Variants in FAM169A observed in about 807,000 individuals in gnomAD.
FAM169A encodes the protein family with sequence similarity 169 member A, also known as soluble lamin-associated protein of 75 kDa.
FAM169A carries 24 observed loss-of-function variants against 75.7 expected under a neutral mutation model. That is an observed-to-expected ratio of 0.32 (90% CI 0.23 to 0.45). The LOEUF is 0.45. Ranked by LOEUF, FAM169A falls within the 20% of genes least tolerant of loss-of-function variation. The probability of loss-of-function intolerance (pLI) is 1.00; values close to 1 mark genes in which losing one functional copy is unlikely to be tolerated. For missense variants in FAM169A, 673 were observed against 784.0 expected, an observed-to-expected ratio of 0.86 and a Z score of 1.69; for synonymous variants, 271 against 271.0, an observed-to-expected ratio of 1.00 and a Z score of 0.00.
chr5:74,790,996 C>T (rs1319204703), intron 11 of FAM169A, among the ~76,000 whole-genome samples: 1 of 152,174 alleles, frequency 6.6e-6, no homozygotes, highest in African/African-American at 2.4e-5. Flanking sequence ...CGTGGACTCG[C>T]GGAAGGCCTT....
intron 11 of FAM169A, among the ~76,000 whole-genome samples, chr5:74,794,778 CAAAAAAAAAA>C (rs980861741): frequency 7.6e-5 from 5 of 65,764 alleles, no homozygotes; most frequent in African/African-American, 2.5e-4. Flanking sequence ...AACTCCGTCT[CAAAAAAAAAA>C]AAAAAAACAA....
At chr5:74,805,373 T>G in intron 6 of FAM169A, 89 bp from the exon 7 acceptor site, 1 of 1,229,148 alleles carries the variant, frequency 8.1e-7, no homozygotes, top group Non-Finnish European at 1.1e-6. Flanking sequence ...CCAACTCACT[T>G]AACGGGGCTA....
chr5:74,780,252 A>G lies in FAM169A; in HGVS notation c.*1208T>C, dbSNP rs1561282264. ...CCTCCAATATGATTGAAGCCCTTGT[A>G]ACCACAGCTCCCCCAAAGGCAGTTT... On this transcript the variant is annotated 3_prime_UTR_variant, in exon 13 of 13. Transcript: ENST00000687041. 1 of 152,312 alleles carries G rather than the reference A, an allele frequency of 6.6e-6. No individual in the cohort carries two copies. The highest frequency in any genetic ancestry group is 1.5e-5 in the Non-Finnish European group (1 of 68,122). The allele number at this position is 152,312 out of a possible 1,614,324, so 9.4% of individuals were successfully genotyped here.
At chr5:74,824,539 A>T (rs1215009359) in intron 5 of FAM169A, among the ~76,000 whole-genome samples, 2 of 152,078 alleles carry the variant, frequency 1.3e-5, no homozygotes, top group Non-Finnish European at 2.9e-5. Context: ...AAGTTCAGCT[A>T]GTTTTGTGGT....
chr5:74,793,313 G>C (rs1346943225), intron 11 of FAM169A, among the ~76,000 whole-genome samples: 1 of 133,948 alleles, frequency 7.5e-6, no homozygotes, highest in East Asian at 2.2e-4. Flanking sequence ...GACAGACCAA[G>C]AGTCCATTTC....
intron 1 of FAM169A, among the ~76,000 whole-genome samples, chr5:74,844,661 T>A (rs2112687917): frequency 6.6e-6 from 1 of 151,114 alleles, no homozygotes. Context: ...CTACTAAAAG[T>A]ACAAAAAATT....
In FAM169A at chr5:74,780,091, T is replaced by A. The variant is rs1580064031; in HGVS notation, c.*1369A>T. ...TTCTAATAACCATTTTGTCCATTTT[T>A]AAATAAATTACAAAAAATAACAGTT... is the stretch of plus-strand genomic sequence containing the variant. On this transcript the variant is annotated 3_prime_UTR_variant, in exon 13 of 13. Transcript: ENST00000687041. The A allele has an allele frequency of 6.6e-6, 1 of 152,352 alleles. No individual in the cohort carries two copies. The highest frequency in any genetic ancestry group is 1.9e-4 in the East Asian group (1 of 5,192). 9.4% of individuals were successfully genotyped at this position (152,352 alleles called of 1,614,324 possible). A position where few individuals can be genotyped will look rare whatever the true frequency, so the allele number is the denominator to read the frequency against.
chr5:74,865,551 C>A (rs1267934800), intron 1 of FAM169A: 1 of 152,404 alleles, frequency 6.6e-6, no homozygotes, highest in Non-Finnish European at 1.5e-5. Context: ...CCTCCTGAGG[C>A]ACAGGCCTCT....
At chr5:74,833,456 A>G (rs148305849) in intron 5 of FAM169A, among the ~76,000 whole-genome samples, 3 of 152,252 alleles carry the variant, frequency 2.0e-5, no homozygotes, top group African/African-American at 7.2e-5. Context: ...CTAAAGAAAA[A>G]CCATTTTAAA....
At chr5:74,832,339 G>C (rs1268335994) in intron 5 of FAM169A, among the ~76,000 whole-genome samples, 1 of 150,522 alleles carries the variant, frequency 6.6e-6, no homozygotes, top group East Asian at 1.9e-4. Context: ...TCTATTTCAG[G>C]CAAAGAAGAA....
intron 11 of FAM169A, among the ~76,000 whole-genome samples, chr5:74,795,139 T>G (rs1264526744): frequency 2.0e-5 from 3 of 151,842 alleles, no homozygotes; most frequent in Admixed American, 2.0e-4. Context: ...GAACCTGTAA[T>G]CCCAGCTACT....
At chr5:74,814,046 T>C in intron 5 of FAM169A, 27 bp from the exon 6 acceptor site, 1 of 1,449,626 alleles carries the variant, frequency 6.9e-7, no homozygotes, top group Non-Finnish European at 9.1e-7. Flanking sequence ...AGAAACCCAA[T>C]AATTTCTCAC....
rs1264937413 is a variant in FAM169A at position 74,852,580 on chromosome 5, T to C, written c.-3-10901A>G. ...ATGCTGCTAGATAAAAAGTAACAGA[T>C]GTCCTTTCAAGAGGCAGATAGTGGG... On this transcript the variant is annotated intron_variant, in intron 1 of 12. Transcript: ENST00000687041. Among the ~76,000 whole-genome samples, 33 of 151,812 alleles carry C rather than the reference T, an allele frequency of 2.2e-4. 1 individual carries two copies. The highest frequency in any genetic ancestry group is 1.7e-3 in the Admixed American group (26 of 15,224).
chr5:74,825,851 G>A (rs1419358933), intron 5 of FAM169A, among the ~76,000 whole-genome samples: 4 of 152,036 alleles, frequency 2.6e-5, no homozygotes, highest in African/African-American at 7.2e-5. Context: ...TATTCCAGAT[G>A]CTCTGAAATT....
At chr5:74,788,803 G>A (rs955831277) in intron 11 of FAM169A, among the ~76,000 whole-genome samples, 2 of 152,160 alleles carry the variant, frequency 1.3e-5, no homozygotes, top group African/African-American at 4.8e-5. Context: ...ACGGTGCAGG[G>A]GTGGTGATTC....
At chr5:74,808,296 A>G (rs1342785616) in intron 6 of FAM169A, among the ~76,000 whole-genome samples, 4 of 152,240 alleles carry the variant, frequency 2.6e-5, no homozygotes, top group Non-Finnish European at 5.9e-5. Flanking sequence ...AGCCATAAAA[A>G]GGAATGGAAT....
intron 5 of FAM169A, among the ~76,000 whole-genome samples, chr5:74,833,985 C>T (rs1406609801): frequency 6.6e-6 from 1 of 152,096 alleles, no homozygotes; most frequent in Non-Finnish European, 1.5e-5. Context: ...GGTAATTAGC[C>T]AAGTTGCTCT....
chr5:74,800,105 G>A (rs993108278), intron 10 of FAM169A: 9 of 603,752 alleles, frequency 1.5e-5, no homozygotes, highest in Admixed American at 1.0e-4. Context: ...GCCATCCAGC[G>A]TGACAAACTA....
intron 11 of FAM169A, among the ~76,000 whole-genome samples, chr5:74,789,061 C>G (rs556599167): frequency 6.6e-6 from 1 of 152,364 alleles, no homozygotes; most frequent in East Asian, 1.9e-4. Flanking sequence ...GTTCGGCTGG[C>G]AAGGCCAGCA....
Sources: gnomAD v4.1 joint callset for allele counts (sites outside exome capture counted in the v4.1 genomes callset) on GRCh38, gnomAD v4.1.1 for gene constraint, MANE v1.5 for transcripts, NCBI Gene and HGNC (gene_info 2026-07-23, HGNC 2026-07-21) for gene names.